DLG5: variants seen among roughly 807,000 people sequenced by gnomAD.
DLG5 encodes disks large homolog 5.
DLG5 carries 48 observed loss-of-function variants against 189.8 expected under a neutral mutation model. That is an observed-to-expected ratio of 0.25 (90% CI 0.20 to 0.32). DLG5 has a LOEUF of 0.32. Among genes scored for constraint, DLG5 ranks in the 10% least tolerant of loss-of-function variants. The pLI is 1.00. For missense variants in DLG5, 2,160 were observed against 2,544.7 expected (o/e 0.85, Z 3.25); for synonymous variants, 1,016 against 1,054.1 (o/e 0.96, Z 0.70).
chr10:77,812,070 C>G lies in DLG5; in HGVS notation c.4189-13G>C. 1 of 1,608,490 alleles carries G rather than the reference C, an allele frequency of 6.2e-7. No homozygotes were observed. Among genetic ancestry groups the G allele is most frequent in the African/African-American group, 1.3e-5 (1 of 75,048 alleles). ...TTATGCCGTTGAACTGGGGAAACAC[C>G]AGGATGGGCTCAGTGGGGGGGTCGG... On this transcript the variant is annotated splice_polypyrimidine_tract_variant and intron_variant, in intron 21 of 31. Coordinates refer to ENST00000372391, the MANE Select transcript of DLG5 (RefSeq NM_004747.4).
intron 2 of DLG5, among the ~76,000 whole-genome samples, chr10:77,862,274 A>C (rs1844501192): frequency 6.6e-6 from 1 of 151,908 alleles, no homozygotes; most frequent in African/African-American, 2.4e-5. Flanking sequence ...CCCTCTACTG[A>C]GTTAATCTGT....
upstream of DLG5, chr10:77,927,352 C>G (rs1846734132): frequency 6.6e-6 from 1 of 152,428 alleles, no homozygotes; most frequent in African/African-American, 2.4e-5. Flanking sequence ...TCCAGAGGGT[C>G]CTAATCTGAG....
At chr10:77,904,822 C>T (rs1846027389) in intron 1 of DLG5, among the ~76,000 whole-genome samples, 1 of 151,920 alleles carries the variant, frequency 6.6e-6, no homozygotes, top group East Asian at 1.9e-4. Context: ...GTTTTACTTT[C>T]CTGAAGGTAA....
intron 29 of DLG5, among the ~76,000 whole-genome samples, 192 bp downstream of exon 29, chr10:77,795,869 G>C (rs1004088811): frequency 1.3e-5 from 2 of 152,188 alleles, no homozygotes; most frequent in African/African-American, 2.4e-5. Flanking sequence ...TCCCCACCAA[G>C]GGATGTGCTT....
chr10:77,794,738 G>T, intron 30 of DLG5, 111 bp downstream of exon 30: 1 of 763,466 alleles, frequency 1.3e-6, no homozygotes, highest in South Asian at 1.7e-5. Context: ...AGACCCATAG[G>T]CCCATCTCTC....
chr10:77,873,033 A>ATGTG (rs1564567195), intron 1 of DLG5, among the ~76,000 whole-genome samples: 23 of 138,326 alleles, frequency 1.7e-4, no homozygotes, highest in South Asian at 6.8e-4. Flanking sequence ...GTGTGTGTGC[A>ATGTG]CACACACACA....
rs1844765821 is a variant in DLG5, at chr10:77,868,226, T to A, written c.373+903A>T. The A allele has an allele frequency of 1.7e-5, 7 of 412,474 alleles. No individual in the cohort carries two copies. In the Admixed American group the frequency reaches 1.8e-4, roughly 10 times the overall value. 25.6% of individuals were successfully genotyped at this position (412,474 alleles called of 1,614,324 possible). ...AACTAAGATGGAACTCGCCGGCTGG[T>A]CACTGTCTTCCCTCTTATCACACTA... On this transcript the variant is annotated intron_variant, in intron 2 of 31. Coordinates refer to ENST00000372391, the MANE Select transcript of DLG5 (RefSeq NM_004747.4).
intron 7 of DLG5, among the ~76,000 whole-genome samples, chr10:77,841,563 A>G (rs1179948669): frequency 1.3e-5 from 2 of 152,194 alleles, no homozygotes; most frequent in African/African-American, 4.8e-5. Context: ...TCCTTGAGAT[A>G]TCACTGACTT....
rs142148913 is a variant in DLG5 at position 77,875,393 on chromosome 10, C to T, written c.305-6196G>A. On this transcript the variant is annotated intron_variant, in intron 1 of 31. Transcript: ENST00000372391. ...AGAGCAGGGCTGGCTTGGGCCAAGG[C>T]CCCCCAGCCTCTATTCCCTGGGAAT... Among the ~76,000 whole-genome samples, 78 of 152,260 alleles carry T rather than the reference C, an allele frequency of 5.1e-4. 1 individual carries two copies. Among genetic ancestry groups the T allele is most frequent in the Admixed American group, 2.0e-3 (30 of 15,304 alleles).
intron 3 of DLG5, 82 bp downstream of exon 3, chr10:77,856,648 G>C (rs1844243051): frequency 1.3e-6 from 2 of 1,545,846 alleles, no homozygotes; most frequent in African/African-American, 2.7e-5. Flanking sequence ...AGGAGCCAGG[G>C]GTGTTTGGGG....
intron 7 of DLG5, among the ~76,000 whole-genome samples, chr10:77,841,598 C>A (rs1035578368): frequency 6.6e-6 from 1 of 152,188 alleles, no homozygotes; most frequent in Non-Finnish European, 1.5e-5. Context: ...TCTGCAATTA[C>A]GTAGCAATGG....
intron 20 of DLG5, among the ~76,000 whole-genome samples, chr10:77,814,526 G>C (rs1841957440): frequency 1.6e-5 from 2 of 124,010 alleles, no homozygotes; most frequent in Admixed American, 1.9e-4. Context: ...AATGGCAATT[G>C]AATCTCTTGT....
intron 14 of DLG5, 45 bp from the exon 15 acceptor site, chr10:77,822,146 G>C: frequency 6.4e-7 from 1 of 1,567,452 alleles, no homozygotes; most frequent in Non-Finnish European, 8.6e-7. Context: ...TGAGATGGCA[G>C]GACTTGGAGC....
At chr10:77,794,247 C>T (rs572922110) in intron 30 of DLG5, 130 bp from the exon 31 acceptor site, 1 of 726,846 alleles carries the variant, frequency 1.4e-6, no homozygotes, top group Admixed American at 2.3e-5. Flanking sequence ...ATGTGCTCCC[C>T]ACATAAAGCA....
At chr10:77,822,142 G>A (rs1389692304) in intron 14 of DLG5, 41 bp from the exon 15 acceptor site, 46 of 1,571,760 alleles carry the variant, frequency 2.9e-5, no homozygotes, top group East Asian at 4.5e-5. Flanking sequence ...AGAGTGAGAT[G>A]GCAGGACTTG....
At chr10:77,873,798 G>A (rs1844999520) in intron 1 of DLG5, among the ~76,000 whole-genome samples, 1 of 152,182 alleles carries the variant, frequency 6.6e-6, no homozygotes, top group Non-Finnish European at 1.5e-5. Flanking sequence ...CAGAAAGGCA[G>A]AGAGCTGACG....
chr10:77,912,035 T>C (rs1260371772), intron 1 of DLG5, among the ~76,000 whole-genome samples: 1 of 151,224 alleles, frequency 6.6e-6, no homozygotes. Flanking sequence ...CCCATCTCTA[T>C]GAATTTTTTT....
At chr10:77,856,951 G>A in intron 2 of DLG5, 59 bp from the exon 3 acceptor site, 1 of 1,531,122 alleles carries the variant, frequency 6.5e-7, no homozygotes, top group South Asian at 1.2e-5. Flanking sequence ...GAGGCGCCCG[G>A]TGCTGTCCTG....
intron 1 of DLG5, among the ~76,000 whole-genome samples, chr10:77,884,547 C>A (rs1367091598): frequency 6.6e-6 from 1 of 152,090 alleles, no homozygotes; most frequent in African/African-American, 2.4e-5. Context: ...TCATGGTGGT[C>A]GGCACTTAGC....
Sources: allele counts gnomAD v4.1 joint callset (sites outside exome capture counted in the v4.1 genomes callset), GRCh38; gene constraint gnomAD v4.1.1; transcripts MANE v1.5; gene names NCBI Gene and HGNC (gene_info 2026-07-23, HGNC 2026-07-21).